Variants in WWOX observed in about 807,000 individuals in gnomAD.
WWOX encodes WW domain containing oxidoreductase.
WWOX carries 69 observed loss-of-function variants against 46.2 expected under a neutral mutation model. The observed-to-expected ratio is 1.49, with a 90% CI of 1.23 to 1.82. The LOEUF is 1.82. WWOX is among the 40% of genes most tolerant of loss of function. WWOX has a pLI of 0.00. For synonymous variants in WWOX, 359 were observed against 202.6 expected, an observed-to-expected ratio of 1.77 and a Z score of -6.56; for missense variants, 919 against 542.6, an observed-to-expected ratio of 1.69 and a Z score of -6.89.
chr16:79,071,692 C>G (rs2048554469), intron 8 of WWOX, among the ~76,000 whole-genome samples: 1 of 152,264 alleles, frequency 6.6e-6, no homozygotes, highest in South Asian at 2.1e-4. Flanking sequence ...CCGCATTCCC[C>G]TTCACGTTGT....
At chr16:79,182,288 C>A (rs980823511) in intron 8 of WWOX, among the ~76,000 whole-genome samples, 1 of 151,994 alleles carries the variant, frequency 6.6e-6, no homozygotes, top group African/African-American at 2.4e-5. Context: ...CCTGGCCCTG[C>A]CCCATGATAT....
chr16:78,361,230 G>A (rs1379524588), intron 5 of WWOX, among the ~76,000 whole-genome samples: 1 of 151,950 alleles, frequency 6.6e-6, no homozygotes, highest in African/African-American at 2.4e-5. Flanking sequence ...AGCATTTTTT[G>A]GCAAGAACAT....
intron 8 of WWOX, among the ~76,000 whole-genome samples, chr16:78,732,305 C>G (rs1048172053): frequency 2.0e-5 from 3 of 152,120 alleles, no homozygotes; most frequent in African/African-American, 7.2e-5. Context: ...GATGCTTACC[C>G]TCAAAATTTG....
intron 1 of WWOX, 37 bp downstream of exon 1, chr16:78,099,922 G>A: frequency 6.5e-7 from 1 of 1,547,686 alleles, no homozygotes. Context: ...ACGCACCTGG[G>A]ACCCTGCACA....
chr16:79,038,571 C>T (rs1192427924), intron 8 of WWOX, among the ~76,000 whole-genome samples: 3 of 152,014 alleles, frequency 2.0e-5, no homozygotes, highest in Non-Finnish European at 4.4e-5. Flanking sequence ...TTTTTTGAGA[C>T]AGAGTTTCTC....
chr16:78,555,505 C>T (rs2044272401), intron 8 of WWOX, among the ~76,000 whole-genome samples: 1 of 151,590 alleles, frequency 6.6e-6, no homozygotes, highest in East Asian at 1.9e-4. Context: ...GTAGCAACAT[C>T]GATGTCTCGG....
intron 5 of WWOX, among the ~76,000 whole-genome samples, chr16:78,316,070 A>G (rs1423915784): frequency 1.3e-5 from 2 of 151,658 alleles, no homozygotes; most frequent in East Asian, 3.9e-4. Flanking sequence ...ACATGGTGAA[A>G]CCCTGTCTCT....
chr16:78,928,429 C>T (rs931657926), intron 8 of WWOX, among the ~76,000 whole-genome samples: 4 of 151,956 alleles, frequency 2.6e-5, no homozygotes, highest in Non-Finnish European at 5.9e-5. Flanking sequence ...GTCTCGATCT[C>T]CTGACCTCGT....
intron 8 of WWOX, among the ~76,000 whole-genome samples, chr16:78,631,184 C>A (rs1197505104): frequency 2.0e-5 from 3 of 152,132 alleles, no homozygotes; most frequent in South Asian, 4.2e-4. Flanking sequence ...TTGAACCAGT[C>A]CCCTTTGGAT....
intron 5 of WWOX, among the ~76,000 whole-genome samples, chr16:78,370,559 T>A (rs750513850): frequency 2.2e-4 from 33 of 152,176 alleles, no homozygotes; most frequent in Non-Finnish European, 2.9e-4. Flanking sequence ...GTTCTTAAAG[T>A]ATGCCTGTAA....
At chr16:78,355,488 G>C (rs751602115) in intron 5 of WWOX, 33 of 345,794 alleles carry the variant, frequency 9.5e-5, no homozygotes, top group Non-Finnish European at 1.9e-4. Context: ...TGTAGTCCCA[G>C]CTACTCGGGA....
At chr16:78,148,064 A>T (rs73566314) in intron 4 of WWOX, among the ~76,000 whole-genome samples, 5,833 of 152,170 alleles carry the variant, frequency 0.038, 383 homozygotes, top group African/African-American at 0.13. Context: ...GAAATCCTGT[A>T]CCAGCTGTGA....
intron 5 of WWOX, among the ~76,000 whole-genome samples, chr16:78,345,414 T>A (rs112969743): frequency 0.13 from 10,838 of 85,056 alleles, 3,133 homozygotes; most frequent in African/African-American, 0.37. Flanking sequence ...TGAGCCCAGG[T>A]GTTGGAGACC....
At chr16:79,042,064 C>T (rs975171418) in intron 8 of WWOX, among the ~76,000 whole-genome samples, 2 of 152,144 alleles carry the variant, frequency 1.3e-5, no homozygotes, top group Non-Finnish European at 2.9e-5. Flanking sequence ...AACTGATTAA[C>T]TCTCTAGCTA....
chr16:78,575,741 T>A (rs1306196508), intron 8 of WWOX, among the ~76,000 whole-genome samples: 1 of 152,204 alleles, frequency 6.6e-6, no homozygotes, highest in African/African-American at 2.4e-5. Context: ...AAGAAAAATT[T>A]CATTAAATCA....
At chr16:79,181,413 A>T (rs887597699) in intron 8 of WWOX, among the ~76,000 whole-genome samples, 1 of 152,166 alleles carries the variant, frequency 6.6e-6, no homozygotes, top group African/African-American at 2.4e-5. Flanking sequence ...ACAGCAATAT[A>T]TGTTATTATA....
At chr16:78,891,835 A>G (rs1039476896) in intron 8 of WWOX, 2 of 152,198 alleles carry the variant, frequency 1.3e-5, no homozygotes, top group Non-Finnish European at 2.9e-5. Flanking sequence ...CAAAGGAAAA[A>G]AAAATTAAAC....
rs143314151 is a variant in WWOX at position 78,505,889 on chromosome 16, C to G, written c.1056+73137C>G. 4.3e-3 allele frequency among the ~76,000 whole-genome samples: 648 copies of G among 152,312 alleles called. 7 individuals carry two copies. Among genetic ancestry groups the G allele is most frequent in the African/African-American group, 0.015 (615 of 41,566 alleles). ...CCATGGAGGAAGATTCGGCCTTTCT[C>G]TCCCTAATCATGAGCAATGTGATTT... On this transcript the variant is annotated intron_variant, in intron 8 of 8. Transcript: ENST00000566780.
At chr16:78,616,898 T>A (rs899054427) in intron 8 of WWOX, among the ~76,000 whole-genome samples, 6 of 152,134 alleles carry the variant, frequency 3.9e-5, no homozygotes, top group Admixed American at 3.9e-4. Context: ...TTTCAACATA[T>A]AAATTTTGGG....
Sources: allele counts gnomAD v4.1 joint callset (sites outside exome capture counted in the v4.1 genomes callset), GRCh38; gene constraint gnomAD v4.1.1; transcripts MANE v1.5; gene names NCBI Gene and HGNC (gene_info 2026-07-23, HGNC 2026-07-21).